The following GPC6 variants were observed in gnomAD, a reference collection of about 807,000 sequenced individuals.
GPC6 encodes the protein glypican 6.
In GPC6, 14 loss-of-function variants were observed where a neutral mutation model predicts 55.2. The observed-to-expected ratio is 0.25, with a 90% CI of 0.17 to 0.40. GPC6 has a LOEUF of 0.40. Among genes scored for constraint, GPC6 ranks in the 10% least tolerant of loss-of-function variants. The pLI is 1.00. For synonymous variants in GPC6, 278 were observed against 259.6 expected (o/e 1.07, Z -0.68); for missense variants, 641 against 708.5 (o/e 0.90, Z 1.08).
chr13:93,644,576 A>G (rs116278091), intron 2 of GPC6, among the ~76,000 whole-genome samples: 174 of 152,142 alleles, frequency 1.1e-3, no homozygotes, highest in African/African-American at 3.9e-3. Flanking sequence ...AAATAAATGT[A>G]CAGATTATAG....
At chr13:93,682,142 T>C (rs1881866668) in intron 2 of GPC6, among the ~76,000 whole-genome samples, 1 of 152,178 alleles carries the variant, frequency 6.6e-6, no homozygotes, top group Non-Finnish European at 1.5e-5. Flanking sequence ...AAAGATTTAT[T>C]CCAAACTCAT....
At chr13:94,382,283 T>A (rs978651211) in intron 6 of GPC6, 131 bp from the exon 7 acceptor site, 2 of 937,828 alleles carry the variant, frequency 2.1e-6, no homozygotes, top group South Asian at 2.9e-5. Context: ...AGTGTCTCTC[T>A]CTTAAAACTG....
chr13:93,281,387 G>A lies in GPC6; in HGVS notation c.160+53771G>A, dbSNP rs564542991. Among the ~76,000 whole-genome samples the A allele has an allele frequency of 5.3e-5, 8 of 152,240 alleles. No homozygotes were observed. In the East Asian group the frequency reaches 1.2e-3, roughly 22 times the overall value. On this transcript the variant is annotated intron_variant, in intron 1 of 8. Transcript: ENST00000377047. ...TCATCTTGCTGGAGAACAAATTAAA[G>A]CATTGAAAGAAGAATAAATGCTCCT... is the stretch of plus-strand genomic sequence containing the variant.
chr13:93,334,895 A>G (rs1879992485), intron 1 of GPC6, among the ~76,000 whole-genome samples: 1 of 152,248 alleles, frequency 6.6e-6, no homozygotes, highest in Non-Finnish European at 1.5e-5. Flanking sequence ...AACCTTTAAC[A>G]TAATTTATGA....
chr13:93,888,449 A>C (rs2140315588), intron 3 of GPC6, among the ~76,000 whole-genome samples: 1 of 152,276 alleles, frequency 6.6e-6, no homozygotes, highest in South Asian at 2.1e-4. Context: ...CTAGGGAAAA[A>C]GGTCACTTGT....
chr13:94,147,529 C>T (rs189473026), intron 4 of GPC6, among the ~76,000 whole-genome samples: 118 of 152,216 alleles, frequency 7.8e-4, no homozygotes, highest in Admixed American at 1.6e-3. Flanking sequence ...GATGCATATA[C>T]CATGCTTACC....
intron 2 of GPC6, among the ~76,000 whole-genome samples, chr13:93,693,501 G>GTGTGTT (rs1307778155): frequency 6.9e-6 from 1 of 145,858 alleles, no homozygotes; most frequent in South Asian, 2.2e-4. Context: ...GTGTGTGTGT[G>GTGTGTT]TAGGGAGACA....
chr13:94,086,905 T>C (rs915594009), intron 4 of GPC6, among the ~76,000 whole-genome samples: 1 of 152,218 alleles, frequency 6.6e-6, no homozygotes, highest in African/African-American at 2.4e-5. Flanking sequence ...TTTGGCAGAC[T>C]ATCTTATTAG....
At chr13:93,415,788 G>A (rs1316282157) in intron 1 of GPC6, among the ~76,000 whole-genome samples, 1 of 151,976 alleles carries the variant, frequency 6.6e-6, no homozygotes, top group Non-Finnish European at 1.5e-5. Context: ...GGATTTTTTT[G>A]TGAACAGCCT....
At chr13:93,796,123 G>A (rs2138929691) in intron 2 of GPC6, among the ~76,000 whole-genome samples, 1 of 151,980 alleles carries the variant, frequency 6.6e-6, no homozygotes, top group Non-Finnish European at 1.5e-5. Context: ...TTTCCTCTGG[G>A]AGGTCAAGGT....
intron 4 of GPC6, among the ~76,000 whole-genome samples, chr13:94,037,785 A>G (rs931610740): frequency 6.6e-6 from 1 of 151,904 alleles, no homozygotes; most frequent in Non-Finnish European, 1.5e-5. Flanking sequence ...GACTACAAGG[A>G]TTGATAAGCT....
chr13:93,399,666 T>C (rs1026699110), intron 1 of GPC6, among the ~76,000 whole-genome samples: 3 of 152,194 alleles, frequency 2.0e-5, no homozygotes, highest in Non-Finnish European at 4.4e-5. Flanking sequence ...ATGAATTTCT[T>C]CCCTCGGTAA....
chr13:93,601,289 C>CA (rs1038239096), intron 2 of GPC6, among the ~76,000 whole-genome samples: 23 of 152,070 alleles, frequency 1.5e-4, no homozygotes, highest in African/African-American at 4.6e-4. Flanking sequence ...GAGGCTGAGG[C>CA]AGGAGAATCA....
At chr13:93,497,313 C>T (rs369046058) in intron 1 of GPC6, among the ~76,000 whole-genome samples, 38 of 152,278 alleles carry the variant, frequency 2.5e-4, no homozygotes, top group South Asian at 1.0e-3. Context: ...CTTGTCACCC[C>T]GCTTTATGAA....
At chr13:94,032,458 A>G (rs2138727372) in intron 4 of GPC6, among the ~76,000 whole-genome samples, 1 of 152,342 alleles carries the variant, frequency 6.6e-6, no homozygotes, top group Admixed American at 6.5e-5. Context: ...AAATAGCCAC[A>G]GCATATATAA....
intron 1 of GPC6, among the ~76,000 whole-genome samples, chr13:93,312,634 T>C (rs1166544551): frequency 6.6e-6 from 1 of 152,170 alleles, no homozygotes; most frequent in Non-Finnish European, 1.5e-5. Context: ...TAGCTTAAGT[T>C]CTCAAGTCAA....
At chr13:94,027,288 G>A (rs1179128924) in intron 3 of GPC6, among the ~76,000 whole-genome samples, 2 of 152,132 alleles carry the variant, frequency 1.3e-5, no homozygotes, top group African/African-American at 4.8e-5. Context: ...CAGACAAGTT[G>A]ATATTGATCT....
chr13:94,111,579 G>A (rs1028396197), intron 4 of GPC6, among the ~76,000 whole-genome samples: 23 of 151,782 alleles, frequency 1.5e-4, no homozygotes, highest in Admixed American at 9.2e-4. Flanking sequence ...CACCTGATAT[G>A]TCAGTGCTCC....
At chr13:93,238,985 G>T (rs1279902351) in intron 1 of GPC6, among the ~76,000 whole-genome samples, 1 of 151,968 alleles carries the variant, frequency 6.6e-6, no homozygotes, top group East Asian at 1.9e-4. Context: ...TATAGTATTT[G>T]GTTTGCTATG....
Sources: gnomAD v4.1 joint callset for allele counts (sites outside exome capture counted in the v4.1 genomes callset) on GRCh38, gnomAD v4.1.1 for gene constraint, MANE v1.5 for transcripts, NCBI Gene and HGNC (gene_info 2026-07-23, HGNC 2026-07-21) for gene names.